Variants in RBM19 observed in about 807,000 individuals in gnomAD.
RBM19 encodes the protein RNA binding motif protein 19, also known as probable RNA-binding protein 19.
RBM19 carries 94 observed loss-of-function variants against 116.8 expected under a neutral mutation model. The ratio of observed to expected loss-of-function variants is 0.80; its 90% CI spans 0.68 to 0.95. RBM19 has a LOEUF of 0.95. Ranked by LOEUF, RBM19 falls within the 40% of genes least tolerant of loss-of-function variation. RBM19 has a pLI of 0.00. For synonymous variants in RBM19, 475 were observed against 494.1 expected, an observed-to-expected ratio of 0.96 and a Z score of 0.51; for missense variants, 1,161 against 1,220.7, an observed-to-expected ratio of 0.95 and a Z score of 0.73.
rs1307095013 is a variant in RBM19, at chr12:113,940,180, A to G, written c.1738-20T>C. On this transcript the variant is annotated intron_variant, in intron 14 of 23. Coordinates refer to ENST00000261741, the MANE Select transcript of RBM19 (RefSeq NM_016196.4). ...TGCAGCCTGCAAAGAGGAAATGCAC[A>G]CACATGGGACCACAGGAGGGAGGAG... 26 of 1,604,950 alleles carry G rather than the reference A, an allele frequency of 1.6e-5. No individual in the cohort carries two copies. Among genetic ancestry groups the G allele is most frequent in the Non-Finnish European group, 2.1e-5 (25 of 1,173,590 alleles).
At chr12:113,942,188 T>C (rs1593624709) in intron 14 of RBM19, 136 bp downstream of exon 14, 2 of 776,486 alleles carry the variant, frequency 2.6e-6, no homozygotes, top group East Asian at 5.4e-5. Flanking sequence ...ATTTCTTCTT[T>C]TCTTTAGAGA....
chr12:113,832,742 A>G (rs1875537707), intron 23 of RBM19, among the ~76,000 whole-genome samples: 3 of 152,228 alleles, frequency 2.0e-5, no homozygotes, highest in South Asian at 2.1e-4. Context: ...CTCCAGGTGG[A>G]TGGAAGGAAC....
intron 23 of RBM19, among the ~76,000 whole-genome samples, chr12:113,834,531 C>G (rs1201857438): frequency 2.0e-5 from 3 of 152,222 alleles, no homozygotes; most frequent in African/African-American, 7.2e-5. Context: ...CATAGGGTCT[C>G]TGTCACAACC....
intron 22 of RBM19, among the ~76,000 whole-genome samples, chr12:113,845,946 T>G (rs149132158): frequency 8.8e-4 from 134 of 152,348 alleles, no homozygotes; most frequent in African/African-American, 2.1e-3. Context: ...AAAACGGGTA[T>G]GTTCATATAT....
rs760814804 is a variant in RBM19 at position 113,940,103 on chromosome 12, G to A, written c.1795C>T (p.Leu599=). The A allele has an allele frequency of 1.2e-6, 2 of 1,614,042 alleles. No homozygotes were observed. The highest frequency in any genetic ancestry group is 2.7e-5 in the African/African-American group (2 of 74,956). The change falls in exon 15 of 24, where the codon CTG becomes TTG. Residue 599 remains leucine, a synonymous_variant. Coordinates refer to ENST00000261741, the MANE Select transcript of RBM19 (RefSeq NM_016196.4). ...ILVKNLPAGT[L]AAQLQETFGH... ...AAGGTCTCCTGCAGCTGGGCCGCCA[G>A]GGTGCCTGCCGGGAGGTTCTTGACC...
intron 20 of RBM19, among the ~76,000 whole-genome samples, chr12:113,915,587 T>C (rs1332710482): frequency 6.6e-6 from 1 of 152,164 alleles, no homozygotes; most frequent in African/African-American, 2.4e-5. Flanking sequence ...CCTGTCTCCC[T>C]GCTCTCCCAG....
downstream of RBM19, among the ~76,000 whole-genome samples, chr12:113,821,897 C>T (rs141679637): frequency 3.3e-4 from 50 of 152,300 alleles, no homozygotes; most frequent in South Asian, 1.5e-3. Flanking sequence ...TCTGTGTTGC[C>T]TTGCCTGGGC....
chr12:113,939,618 C>T (rs1428783251), intron 15 of RBM19, among the ~76,000 whole-genome samples: 5 of 151,588 alleles, frequency 3.3e-5, no homozygotes, highest in East Asian at 3.9e-4. Flanking sequence ...GGCGGGGTGG[C>T]GGGTGCCTGT....
chr12:113,866,977 G>C (rs1040917803), intron 21 of RBM19, among the ~76,000 whole-genome samples: 1 of 152,244 alleles, frequency 6.6e-6, no homozygotes, highest in Non-Finnish European at 1.5e-5. Context: ...GCTCCATTCT[G>C]ATTTTGGTTT....
At chr12:113,949,943 C>T (rs897584365) in intron 9 of RBM19, 140 bp downstream of exon 9, 2 of 747,168 alleles carry the variant, frequency 2.7e-6, no homozygotes, top group Non-Finnish European at 4.3e-6. Flanking sequence ...CCTGCCATGT[C>T]CCCAGTGCCT....
At chr12:113,905,213 A>G (rs1287805013) in intron 21 of RBM19, among the ~76,000 whole-genome samples, 2 of 152,242 alleles carry the variant, frequency 1.3e-5, no homozygotes, top group Non-Finnish European at 2.9e-5. Flanking sequence ...AGTCTATTAC[A>G]AAGCCTTGGT....
chr12:113,909,049 C>G (rs1316811284), intron 21 of RBM19, among the ~76,000 whole-genome samples: 1 of 152,208 alleles, frequency 6.6e-6, no homozygotes, highest in Non-Finnish European at 1.5e-5. Flanking sequence ...GACCGCAGGA[C>G]AGGCTGAGCT....
At chr12:113,862,195 T>C (rs1408696322) in intron 21 of RBM19, among the ~76,000 whole-genome samples, 1 of 152,200 alleles carries the variant, frequency 6.6e-6, no homozygotes, top group Non-Finnish European at 1.5e-5. Context: ...GCCTGCAATA[T>C]GCAGTCTTTT....
chr12:113,950,318 C>T (rs1213240044), intron 8 of RBM19, among the ~76,000 whole-genome samples, 164 bp from the exon 9 acceptor site: 5 of 152,196 alleles, frequency 3.3e-5, no homozygotes, highest in African/African-American at 1.2e-4. Context: ...CTGTCTCCCA[C>T]CCACAGCCAA....
intron 21 of RBM19, among the ~76,000 whole-genome samples, chr12:113,899,957 G>A (rs1881577932): frequency 6.6e-6 from 1 of 152,176 alleles, no homozygotes; most frequent in African/African-American, 2.4e-5. Flanking sequence ...TGAAAGCAAG[G>A]TTAGAGTGAG....
intron 21 of RBM19, among the ~76,000 whole-genome samples, chr12:113,867,292 T>C (rs1878889492): frequency 2.6e-5 from 4 of 152,212 alleles, no homozygotes; most frequent in African/African-American, 9.6e-5. Context: ...AGCACCGAAA[T>C]CACAATTTGA....
At chr12:113,954,489 C>G (rs1014486974) in intron 7 of RBM19, among the ~76,000 whole-genome samples, 20 of 152,292 alleles carry the variant, frequency 1.3e-4, no homozygotes, top group Non-Finnish European at 2.9e-4. Context: ...TAATTACATC[C>G]ACAGCCTGGC....
At chr12:113,935,083 G>T (rs1869930839) in intron 16 of RBM19, among the ~76,000 whole-genome samples, 1 of 152,156 alleles carries the variant, frequency 6.6e-6, no homozygotes, top group Non-Finnish European at 1.5e-5. Context: ...AATAGAAATT[G>T]TGACAAGTGT....
chr12:113,898,489 C>CA lies in RBM19; in HGVS notation c.2558+16479dup, dbSNP rs1438754792. Among the ~76,000 whole-genome samples, 1 of 152,132 alleles carries CA rather than the reference C, an allele frequency of 6.6e-6. No individual in the cohort carries two copies. Among genetic ancestry groups the CA allele is most frequent in the Non-Finnish European group, 1.5e-5 (1 of 68,038 alleles). On this transcript the variant is annotated intron_variant, in intron 21 of 23. Transcript: ENST00000261741. This position sits in a 1 kb window ranked among gnomAD's most constrained non-coding sequence, Gnocchi z 4.3. ...GAACAATGAAACATTTTTCTGTTCC[C>CA]AATTCCAAGAGTAATTGGTTATCCA...
Sources: allele counts gnomAD v4.1 joint callset (sites outside exome capture counted in the v4.1 genomes callset), GRCh38; gene constraint gnomAD v4.1.1; non-coding constraint Gnocchi (gnomAD v3.1); transcripts MANE v1.5; gene names NCBI Gene and HGNC (gene_info 2026-07-23, HGNC 2026-07-21).